Variants in APCDD1 observed in about 807,000 individuals in gnomAD.
APCDD1 encodes the protein protein APCDD1.
A neutral mutation model predicts 38.1 loss-of-function variants in APCDD1; 15 were observed. The observed-to-expected ratio is 0.39, with a 90% confidence interval of 0.26 to 0.61. The LOEUF (loss-of-function observed/expected upper bound fraction) is 0.61. APCDD1 is among the 20% of genes least tolerant of loss of function. The pLI is 0.49. For missense variants in APCDD1, 647 were observed against 696.2 expected, an observed-to-expected ratio of 0.93 and a Z score of 0.79; for synonymous variants, 261 against 279.7, an observed-to-expected ratio of 0.93 and a Z score of 0.67.
At position 10,467,277 on chromosome 18, in the gene APCDD1, A is replaced by T. The variant is rs1358697300; in HGVS notation, c.59-1192A>T. On this transcript the variant is annotated intron_variant, in intron 1 of 4. Coordinates refer to ENST00000355285, the MANE Select transcript of APCDD1 (RefSeq NM_153000.5). This position sits in a 1 kb window ranked among gnomAD's most constrained non-coding sequence, Gnocchi z 4.8. ...CTCAGAAACCGTGCCTTCTCTATGA[A>T]GCTATTTATGTGTTGATTAAAAAAT... Among the ~76,000 whole-genome samples, 1 of 152,130 alleles carries T rather than the reference A, an allele frequency of 6.6e-6. No individual in the cohort carries two copies. Among genetic ancestry groups the T allele is most frequent in the Non-Finnish European group, 1.5e-5 (1 of 68,042 alleles).
At chr18:10,479,216 T>C (rs928652063) in intron 3 of APCDD1, among the ~76,000 whole-genome samples, 1 of 152,240 alleles carries the variant, frequency 6.6e-6, no homozygotes, top group Non-Finnish European at 1.5e-5. Context: ...CAGGTTTCTT[T>C]GTGAGAAACA....
chr18:10,465,959 T>C (rs1598396068), intron 1 of APCDD1, among the ~76,000 whole-genome samples: 1 of 152,224 alleles, frequency 6.6e-6, no homozygotes, highest in African/African-American at 2.4e-5. Flanking sequence ...CTCCTGGCTT[T>C]TATTATCTTC....
Position 10,471,802 on chromosome 18 carries a change from C to T in APCDD1, c.515C>T (p.Pro172Leu), listed in dbSNP as rs143954637. Residue 172 changes from proline (P) to leucine (L), a missense_variant, in exon 3 of 5, where the codon CCG becomes CTG. Coordinates refer to ENST00000355285, the MANE Select transcript of APCDD1 (RefSeq NM_153000.5). This position sits in a 1 kb window ranked among gnomAD's most constrained non-coding sequence, Gnocchi z 5.5. ...KLGQQVNRTC[P>L]GFLADGGPWV... The stretch of plus-strand genomic sequence containing the variant: ...GGCCAGCAGGTGAACCGCACATGCC[C>T]GGGCTTCCTCGCAGACGGGGGTCCC... The T allele has an allele frequency of 5.2e-5, 84 of 1,613,496 alleles. 1 individual carries two copies. The Middle Eastern group carries it at 1.2e-3, about 22-fold the overall frequency.
intron 1 of APCDD1, among the ~76,000 whole-genome samples, chr18:10,465,395 G>A (rs1043762028): frequency 1.3e-5 from 2 of 151,886 alleles, no homozygotes; most frequent in Non-Finnish European, 2.9e-5. Flanking sequence ...AGCATGCTTG[G>A]TTTTTTTCTT....
In APCDD1 at chr18:10,455,021, C is replaced by T; in HGVS notation, c.40C>T (p.Pro14Ser). Residue 14 changes from proline to serine, a missense_variant, in exon 1 of 5, where the codon CCG becomes TCG. Pro to Ser is a moderately conservative substitution (Grantham distance 74, BLOSUM62 -1). Coordinates refer to ENST00000355285, the MANE Select transcript of APCDD1 (RefSeq NM_153000.5). ...PRRLLLRYLFPALLLHGLGEG... is the reference protein window; with the variant it reads ...PRRLLLRYLFSALLLHGLGEG... The stretch of plus-strand genomic sequence containing the variant: ...CCGCCTCCTGCTCAGATACCTGTTC[C>T]CGGCCCTCCTGCTTCACGGTGAGTT... 1 of 1,565,572 alleles carries T rather than the reference C, an allele frequency of 6.4e-7. No homozygotes were observed. The highest frequency in any genetic ancestry group is 8.7e-7 in the Non-Finnish European group (1 of 1,155,278).
rs866455818 is a variant in APCDD1, at chr18:10,475,676, A to C, written c.774+3615A>C. On this transcript the variant is annotated intron_variant, in intron 3 of 4. Coordinates refer to ENST00000355285, the MANE Select transcript of APCDD1 (RefSeq NM_153000.5). The surrounding 1 kb of genome is among the most constrained non-coding windows in gnomAD (Gnocchi z 4.0). ...AAAATTTAGATTAAAAAAAAAAAAA[A>C]GCAAGCAAACACTCCCAGACCCAGA... Among the ~76,000 whole-genome samples, 4 of 139,462 alleles carry C rather than the reference A, an allele frequency of 2.9e-5. No homozygotes were observed. Among genetic ancestry groups the C allele is most frequent in the Non-Finnish European group, 4.7e-5 (3 of 63,988 alleles). 91.5% of individuals were successfully genotyped at this position (139,462 alleles called of 152,430 possible). A position where few individuals can be genotyped will look rare whatever the true frequency, so the allele number is the denominator to read the frequency against.
chr18:10,475,801 G>GC lies in APCDD1; in HGVS notation c.774+3740_774+3741insC, dbSNP rs1409446346. Reference sequence around the variant, plus strand: ...GCCTCGCAAGATGGCTGAGGGGGGGGGGGGTCAGTGGAAGGCCGAGTGGCT... The same window carrying GC: ...GCCTCGCAAGATGGCTGAGGGGGGGGCGGGGTCAGTGGAAGGCCGAGTGGCT... On this transcript the variant is annotated intron_variant, in intron 3 of 4. Transcript: ENST00000355285. The surrounding 1 kb of genome is among the most constrained non-coding windows in gnomAD (Gnocchi z 4.0). 1 of 151,690 alleles carries GC rather than the reference G, an allele frequency of 6.6e-6. No individual in the cohort carries two copies. Among genetic ancestry groups the GC allele is most frequent in the Non-Finnish European group, 1.5e-5 (1 of 68,146 alleles). 9.4% of individuals were successfully genotyped at this position (151,690 alleles called of 1,614,324 possible). A position where few individuals can be genotyped will look rare whatever the true frequency, so the allele number is the denominator to read the frequency against.
chr18:10,458,669 G>A lies in APCDD1; in HGVS notation c.58+3630G>A, dbSNP rs2030445778. Among the ~76,000 whole-genome samples, 3 of 152,238 alleles carry A rather than the reference G, an allele frequency of 2.0e-5. No individual in the cohort carries two copies. In the South Asian group the frequency reaches 6.2e-4, roughly 32 times the overall value. ...ATGAGAAAAGAACTAAATATAGGTGGGTGATATGTCTGTGTAATTACATAC... is the reference window on the plus strand; with the variant it reads ...ATGAGAAAAGAACTAAATATAGGTGAGTGATATGTCTGTGTAATTACATAC... On this transcript the variant is annotated intron_variant, in intron 1 of 4. Coordinates refer to ENST00000355285, the MANE Select transcript of APCDD1 (RefSeq NM_153000.5).
intron 1 of APCDD1, among the ~76,000 whole-genome samples, chr18:10,462,159 TG>T (rs148081881): frequency 2.0e-5 from 3 of 151,706 alleles, no homozygotes; most frequent in South Asian, 2.1e-4. Flanking sequence ...TCCAATTAAG[TG>T]GGGGGGGCTT....
intron 3 of APCDD1, among the ~76,000 whole-genome samples, chr18:10,483,837 G>A (rs1030853161): frequency 6.6e-6 from 1 of 152,240 alleles, no homozygotes; most frequent in Non-Finnish European, 1.5e-5. Flanking sequence ...GGCACGTGCT[G>A]CTAGTGGTCA....
intron 1 of APCDD1, among the ~76,000 whole-genome samples, chr18:10,459,322 A>ACACG (rs766714559): frequency 2.0e-5 from 3 of 151,852 alleles, no homozygotes; most frequent in Admixed American, 6.6e-5. Flanking sequence ...GCGTGCACAC[A>ACACG]CACACACACA....
At chr18:10,478,757 C>G (rs1377453516) in intron 3 of APCDD1, among the ~76,000 whole-genome samples, 2 of 152,166 alleles carry the variant, frequency 1.3e-5, no homozygotes, top group Non-Finnish European at 2.9e-5. Flanking sequence ...GACAGCAAGC[C>G]TGCCTGGGCA....
chr18:10,481,472 G>C (rs1224309290), intron 3 of APCDD1, among the ~76,000 whole-genome samples: 1 of 152,078 alleles, frequency 6.6e-6, no homozygotes, highest in Non-Finnish European at 1.5e-5. Context: ...CTCAGATGAG[G>C]CACCTAGAAT....
chr18:10,472,178 G>A lies in APCDD1; in HGVS notation c.774+117G>A. On this transcript the variant is annotated intron_variant, in intron 3 of 4. Coordinates refer to ENST00000355285, the MANE Select transcript of APCDD1 (RefSeq NM_153000.5). This position sits in a 1 kb window ranked among gnomAD's most constrained non-coding sequence, Gnocchi z 6.6. ...AGGGGGAATTCTGCATCATGGCGGGGCAGGCCAAGGTGGGGCTGCTGCGAG... is the reference window on the plus strand; with the variant it reads ...AGGGGGAATTCTGCATCATGGCGGGACAGGCCAAGGTGGGGCTGCTGCGAG... 6.9e-7 allele frequency: 1 copy of A among 1,442,164 alleles called. No homozygotes were observed. Among genetic ancestry groups the A allele is most frequent in the South Asian group, 1.2e-5 (1 of 86,082 alleles). 89.3% of individuals were successfully genotyped at this position (1,442,164 alleles called of 1,614,324 possible).
At chr18:10,465,690 G>A (rs894153354) in intron 1 of APCDD1, among the ~76,000 whole-genome samples, 1 of 152,202 alleles carries the variant, frequency 6.6e-6, no homozygotes, top group African/African-American at 2.4e-5. Context: ...AAATGCAAGA[G>A]AAATTGCCAG....
rs750625563 is a variant in APCDD1, at chr18:10,454,991, C to T, written c.10C>T (p.Pro4Ser). 90 of 1,553,616 alleles carry T rather than the reference C, an allele frequency of 5.8e-5. No homozygotes were observed. The highest frequency in any genetic ancestry group is 7.2e-5 in the Non-Finnish European group (83 of 1,149,398). The change falls in exon 1 of 5, where the codon CCG (proline) becomes TCG (serine). Residue 4 changes from proline to serine, a missense_variant. Pro to Ser is a moderately conservative substitution (Grantham distance 74). Coordinates refer to ENST00000355285, the MANE Select transcript of APCDD1 (RefSeq NM_153000.5). MSWPRRLLLRYLFP... is the reference protein window; with the variant it reads MSWSRRLLLRYLFP... ...CAGAGCAGGACTGGAAATGTCCTGG[C>T]CGCGCCGCCTCCTGCTCAGATACCT...
At chr18:10,456,305 T>G (rs1344347855) in intron 1 of APCDD1, among the ~76,000 whole-genome samples, 1 of 152,094 alleles carries the variant, frequency 6.6e-6, no homozygotes, top group Non-Finnish European at 1.5e-5. Flanking sequence ...AAGGTATAAT[T>G]ATAGGGTTGG....
Position 10,485,435 on chromosome 18 carries a change from C to T in APCDD1, c.775-27C>T. On this transcript the variant is annotated intron_variant, in intron 3 of 4. Transcript: ENST00000355285. This position sits in a 1 kb window ranked among gnomAD's most constrained non-coding sequence, Gnocchi z 5.8. ...TGCTCCCTTGGGAAGATAGAGGCCT[C>T]TGAATGTGTTTGTTTCTTGGCTTCA... is the stretch of plus-strand genomic sequence containing the variant. The T allele has an allele frequency of 6.2e-7, 1 of 1,612,862 alleles. No homozygotes were observed. The highest frequency in any genetic ancestry group is 2.2e-5 in the East Asian group (1 of 44,874).
In APCDD1 at chr18:10,471,607, A is replaced by C. The variant is rs375515191; in HGVS notation, c.320A>C (p.Gln107Pro). Residue 107 changes from glutamine (Q) to proline (P), a missense_variant, in exon 3 of 5, where the codon CAA becomes CCA. Gln to Pro is a moderately conservative substitution (Grantham distance 76). Coordinates refer to ENST00000355285, the MANE Select transcript of APCDD1 (RefSeq NM_153000.5). The surrounding 1 kb of genome is among the most constrained non-coding windows in gnomAD (Gnocchi z 5.5). Reference protein sequence around the residue: ...FYHNNTFKAYQFYYGSNRCTN... With the variant: ...FYHNNTFKAYPFYYGSNRCTN... The stretch of plus-strand genomic sequence containing the variant: ...CACAATAACACCTTCAAGGCCTACC[A>C]ATTTTATTATGGCAGCAACCGGTGC... 3 of 1,614,050 alleles carry C rather than the reference A, an allele frequency of 1.9e-6. No homozygotes were observed. The highest frequency in any genetic ancestry group is 2.5e-6 in the Non-Finnish European group (3 of 1,180,032).
Sources: allele counts gnomAD v4.1 joint callset (sites outside exome capture counted in the v4.1 genomes callset), GRCh38; gene constraint gnomAD v4.1.1; non-coding constraint Gnocchi (gnomAD v3.1); transcripts MANE v1.5; gene names NCBI Gene and HGNC (gene_info 2026-07-23, HGNC 2026-07-21).